CBX5: variants seen among roughly 807,000 people sequenced by gnomAD.
CBX5 encodes chromobox protein homolog 5.
A neutral mutation model predicts 20.7 loss-of-function variants in CBX5; 7 were observed. The observed-to-expected ratio is 0.34, with a 90% CI of 0.19 to 0.63. The LOEUF (loss-of-function observed/expected upper bound fraction) is 0.63. Among genes scored for constraint, CBX5 ranks in the 30% least tolerant of loss-of-function variants. CBX5 has a pLI of 0.75. For synonymous variants in CBX5, 78 were observed against 77.0 expected, an observed-to-expected ratio of 1.01 and a Z score of -0.07; for missense variants, 110 against 224.1, an observed-to-expected ratio of 0.49 and a Z score of 3.25.
chr12:54,249,458 G>A (rs1943770451), intron 3 of CBX5, among the ~76,000 whole-genome samples: 2 of 150,464 alleles, frequency 1.3e-5, no homozygotes, highest in Middle Eastern at 3.5e-3. Context: ...GTACCCCCCA[G>A]GTGATTATAA....
At chr12:54,244,711 C>T (rs961274159) in intron 4 of CBX5, among the ~76,000 whole-genome samples, 17 of 151,796 alleles carry the variant, frequency 1.1e-4, no homozygotes, top group South Asian at 2.1e-4. Flanking sequence ...GCACTCTAGG[C>T]GAAAGAGACT....
chr12:54,254,692 A>C (rs1399677429), intron 2 of CBX5, among the ~76,000 whole-genome samples: 2 of 151,992 alleles, frequency 1.3e-5, no homozygotes, highest in Non-Finnish European at 2.9e-5. Flanking sequence ...ATCTCTAATA[A>C]AAATACAAAA....
intron 1 of CBX5, among the ~76,000 whole-genome samples, chr12:54,261,509 A>G (rs1943915810): frequency 6.6e-6 from 1 of 152,122 alleles, no homozygotes; most frequent in African/African-American, 2.4e-5. Context: ...GTTGGCCAGG[A>G]TGGTCTCGAT....
chr12:54,268,856 A>G (rs776206197), intron 1 of CBX5, among the ~76,000 whole-genome samples: 37 of 152,234 alleles, frequency 2.4e-4, no homozygotes, highest in Non-Finnish European at 4.4e-4. Context: ...ATTGACTCTC[A>G]TGGGTGTTAG....
In CBX5 at chr12:54,241,519, T is replaced by C. The variant is rs1592153227; in HGVS notation, c.*236A>G. On this transcript the variant is annotated 3_prime_UTR_variant, in exon 5 of 5. Coordinates refer to ENST00000209875, the MANE Select transcript of CBX5 (RefSeq NM_012117.3). The stretch of plus-strand genomic sequence containing the variant: ...AGATCAGGGCAAAGGAAAAAAAAAT[T>C]GTGGGTATTACACTCAGTATGTAAA... 1 of 434,268 alleles carries C rather than the reference T, an allele frequency of 2.3e-6. No homozygotes were observed. The highest frequency in any genetic ancestry group is 6.0e-4 in the Middle Eastern group (1 of 1,680). The allele number at this position is 434,268 out of a possible 1,614,324, so 26.9% of individuals were successfully genotyped here. A position where few individuals can be genotyped will look rare whatever the true frequency, so the allele number is the denominator to read the frequency against.
chr12:54,259,796 A>T (rs1943898504), intron 1 of CBX5, among the ~76,000 whole-genome samples: 1 of 152,240 alleles, frequency 6.6e-6, no homozygotes, highest in African/African-American at 2.4e-5. Context: ...AGCTTAAGGG[A>T]ATTACTTCTT....
intron 1 of CBX5, chr12:54,272,219 T>C (rs1225769094): frequency 6.6e-6 from 1 of 152,212 alleles, no homozygotes; most frequent in Admixed American, 6.5e-5. Context: ...TAGATTACTA[T>C]CAGAAAAATA....
chr12:54,260,409 G>T (rs569246686), intron 1 of CBX5, among the ~76,000 whole-genome samples: 2 of 151,922 alleles, frequency 1.3e-5, no homozygotes, highest in Non-Finnish European at 2.9e-5. Flanking sequence ...AGGAGAAATC[G>T]CTTGAACCCA....
intron 1 of CBX5, among the ~76,000 whole-genome samples, chr12:54,276,066 T>C (rs1592166121): frequency 6.6e-6 from 1 of 151,792 alleles, no homozygotes; most frequent in African/African-American, 2.4e-5. Context: ...TCTTTAAGCA[T>C]TGTGAGACTT....
chr12:54,272,874 A>G (rs771356988), intron 1 of CBX5: 10 of 152,260 alleles, frequency 6.6e-5, no homozygotes, highest in Admixed American at 2.0e-4. Flanking sequence ...TATAAGATAA[A>G]GAAACTAAGG....
intron 1 of CBX5, among the ~76,000 whole-genome samples, chr12:54,269,044 C>G (rs1363736392): frequency 6.6e-6 from 1 of 152,154 alleles, no homozygotes; most frequent in Non-Finnish European, 1.5e-5. Context: ...GGGCGCATCA[C>G]GAGGTCAGGA....
chr12:54,244,422 C>T (rs1358194895), intron 4 of CBX5, among the ~76,000 whole-genome samples: 2 of 151,866 alleles, frequency 1.3e-5, no homozygotes, highest in Non-Finnish European at 2.9e-5. Context: ...AGGACCACAA[C>T]ATAAATCACT....
intron 4 of CBX5, among the ~76,000 whole-genome samples, chr12:54,245,731 G>A (rs796672244): frequency 4.0e-5 from 6 of 151,828 alleles, no homozygotes; most frequent in African/African-American, 1.2e-4. Flanking sequence ...CGGAGGTTGC[G>A]GTAAGCCGAG....
At chr12:54,262,762 AT>A (rs1943923968) in intron 1 of CBX5, 1 of 152,566 alleles carries the variant, frequency 6.6e-6, no homozygotes, top group Non-Finnish European at 1.5e-5. Context: ...CAGATAAAGC[AT>A]CAAGACTGGT....
chr12:54,241,560 GA>G lies in CBX5; in HGVS notation c.*194del. 1 of 569,036 alleles carries G rather than the reference GA, an allele frequency of 1.8e-6. No homozygotes were observed. The highest frequency in any genetic ancestry group is 2.5e-5 in the South Asian group (1 of 40,340). The allele number at this position is 569,036 out of a possible 1,614,324, so 35.2% of individuals were successfully genotyped here. On this transcript the variant is annotated 3_prime_UTR_variant, in exon 5 of 5. Transcript: ENST00000209875. ...AGTATGTAAATGCCTGGTCTTCACAGAGAGACACTTATCATTAATCAGACCA... is the reference window on the plus strand; with the variant it reads ...AGTATGTAAATGCCTGGTCTTCACAGGAGACACTTATCATTAATCAGACCA...
intron 2 of CBX5, among the ~76,000 whole-genome samples, chr12:54,255,224 C>T (rs148964497): frequency 2.0e-5 from 3 of 151,938 alleles, no homozygotes; most frequent in South Asian, 2.1e-4. Context: ...CCCAAGAGAG[C>T]GAGACCAGCC....
At chr12:54,253,676 C>T (rs752850953) in intron 2 of CBX5, among the ~76,000 whole-genome samples, 7 of 145,296 alleles carry the variant, frequency 4.8e-5, no homozygotes, top group South Asian at 2.2e-4. Context: ...TGCAGTGAAC[C>T]GTGATTGCAC....
At chr12:54,269,398 TTTTTC>T (rs1013954288) in intron 1 of CBX5, among the ~76,000 whole-genome samples, 20 of 152,324 alleles carry the variant, frequency 1.3e-4, no homozygotes, top group African/African-American at 3.4e-4. Flanking sequence ...CAGAGTTTTC[TTTTTC>T]TTTTGAGACA....
intron 1 of CBX5, among the ~76,000 whole-genome samples, chr12:54,270,370 G>C (rs1449581316): frequency 3.3e-5 from 5 of 152,068 alleles, no homozygotes; most frequent in African/African-American, 9.7e-5. Flanking sequence ...TGATCTCCCA[G>C]GCTCCAGTAA....
Sources: gnomAD v4.1 joint callset for allele counts (sites outside exome capture counted in the v4.1 genomes callset) on GRCh38, gnomAD v4.1.1 for gene constraint, MANE v1.5 for transcripts, NCBI Gene and HGNC (gene_info 2026-07-23, HGNC 2026-07-21) for gene names.